ATRX: variants seen among roughly 807,000 people sequenced by gnomAD.
ATRX encodes the protein ATRX chromatin remodeler, also known as chromatin remodeler ATRX.
A neutral mutation model predicts 172.6 loss-of-function variants in ATRX; 12 were observed. The ratio of observed to expected loss-of-function variants is 0.07; its 90% CI spans 0.04 to 0.11. The LOEUF (loss-of-function observed/expected upper bound fraction) is 0.11. Ranked by LOEUF, ATRX falls within the 10% of genes least tolerant of loss-of-function variation. The probability of loss-of-function intolerance (pLI) is 1.00; values close to 1 mark genes in which losing one functional copy is unlikely to be tolerated. For missense variants in ATRX, 1,368 were observed against 1,767.4 expected (o/e 0.77, Z 4.05); for synonymous variants, 674 against 594.7 (o/e 1.13, Z -1.94).
chrX:77,519,557 A>G (rs782532845), intron 34 of ATRX, among the ~76,000 whole-genome samples: 27 of 111,203 alleles, frequency 2.4e-4, no homozygotes, highest in African/African-American at 8.5e-4. Context: ...AAATATAGTG[A>G]GACCCCGTCT....
intron 13 of ATRX, 110 bp downstream of exon 13, chrX:77,656,450 T>C (rs1465400281): frequency 1.7e-6 from 1 of 571,824 alleles, no homozygotes; most frequent in African/African-American, 2.3e-5. Flanking sequence ...AATCAAAATA[T>C]TATATATCAC....
rs374034587 is a variant in ATRX, at chrX:77,655,700, TA to T, written c.4214+859del. The stretch of plus-strand genomic sequence containing the variant: ...TAACATGCTGAATTGTATCTTGGTT[TA>T]AAAAAAAAAAAAACCTCTCATCATA... On this transcript the variant is annotated intron_variant, in intron 13 of 34. Coordinates refer to ENST00000373344, the MANE Select transcript of ATRX (RefSeq NM_000489.6). Among the ~76,000 whole-genome samples the T allele has an allele frequency of 3.4e-3, 340 of 99,938 alleles. 1 individual carries two copies. The highest frequency in any genetic ancestry group is 0.015 in the Middle Eastern group (3 of 195). 86.8% of individuals were successfully genotyped at this position (99,938 alleles called of 115,157 possible). A position where few individuals can be genotyped will look rare whatever the true frequency, so the allele number is the denominator to read the frequency against.
At chrX:77,731,745 A>G (rs1225740122) in intron 1 of ATRX, among the ~76,000 whole-genome samples, 2 of 110,972 alleles carry the variant, frequency 1.8e-5, no homozygotes, top group African/African-American at 6.5e-5. Context: ...TTGGGAAAGG[A>G]GACAGCATGA....
At position 77,786,072 on chromosome X, in the gene ATRX, A is replaced by G. The variant is rs781792933; in HGVS notation, c.-71T>C. The G allele has an allele frequency of 1.8e-4, 201 of 1,116,184 alleles. No homozygotes were observed. Among genetic ancestry groups the G allele is most frequent in the Non-Finnish European group, 2.3e-4 (194 of 829,913 alleles). The allele number at this position is 1,116,184 out of a possible 1,213,427, so 92.0% of individuals were successfully genotyped here. A position where few individuals can be genotyped will look rare whatever the true frequency, so the allele number is the denominator to read the frequency against. ...GATCTGCGCTCCCCCGCGCCCGGTT[A>G]CGATAGAAATGCACTGGAGTCTTAG... On this transcript the variant is annotated 5_prime_UTR_variant, in exon 1 of 35. Coordinates refer to ENST00000373344, the MANE Select transcript of ATRX (RefSeq NM_000489.6).
At chrX:77,598,866 C>T (rs1557085353) in intron 25 of ATRX, among the ~76,000 whole-genome samples, 1 of 111,360 alleles carries the variant, frequency 9.0e-6, no homozygotes, top group Non-Finnish European at 1.9e-5. Context: ...ACACAGGAAA[C>T]CTAAAGTAGA....
rs369151432 is a variant in ATRX at position 77,751,591 on chromosome X, A to G, written c.21-34348T>C. On this transcript the variant is annotated intron_variant, in intron 1 of 34. Coordinates refer to ENST00000373344, the MANE Select transcript of ATRX (RefSeq NM_000489.6). ...GTTTTAGTCATGGAAGTCTTTGCCCATGCCTATGTCCTGAACGGTATTGCC... is the reference window on the plus strand; with the variant it reads ...GTTTTAGTCATGGAAGTCTTTGCCCGTGCCTATGTCCTGAACGGTATTGCC... Among the ~76,000 whole-genome samples, 25 of 112,207 alleles carry G rather than the reference A, an allele frequency of 2.2e-4. No individual in the cohort carries two copies. In the East Asian group the frequency reaches 2.2e-3, roughly 10 times the overall value.
At chrX:77,738,809 C>A (rs958533824) in intron 1 of ATRX, among the ~76,000 whole-genome samples, 1 of 109,482 alleles carries the variant, frequency 9.1e-6, no homozygotes, top group Non-Finnish European at 1.9e-5. Flanking sequence ...GTGGTCTGCC[C>A]GCCTCAGCTT....
intron 1 of ATRX, among the ~76,000 whole-genome samples, chrX:77,766,437 A>G (rs1361639635): frequency 5.7e-5 from 6 of 104,532 alleles, no homozygotes; most frequent in East Asian, 3.2e-4. Flanking sequence ...GGCGGCTGCC[A>G]GGCGGAGGGG....
chrX:77,766,745 C>A (rs1316650560), intron 1 of ATRX, among the ~76,000 whole-genome samples: 2 of 105,447 alleles, frequency 1.9e-5, no homozygotes, highest in Non-Finnish European at 3.9e-5. Flanking sequence ...GACTGGGCAG[C>A]CAGGCAGAGG....
At position 77,682,396 on chromosome X, in the gene ATRX, A is replaced by G; in HGVS notation, c.2860T>C (p.Cys954Arg). The G allele has an allele frequency of 3.3e-6, 4 of 1,210,875 alleles. No individual in the cohort carries two copies. The highest frequency in any genetic ancestry group is 4.5e-6 in the Non-Finnish European group (4 of 895,238). Residue 954 changes from cysteine (C) to arginine (R), a missense_variant, in exon 9 of 35, where the codon TGT becomes CGT. This residue lies in a region of ATRX where 843 missense variants were observed against 643.1 expected (regional missense o/e 1.31). Transcript: ENST00000373344. The part of the protein sequence containing the change: ...EKSKHLKTKT[C>R]KKVQDGLSDI... ...GATAAGCCATCCTGTACTTTTTTAC[A>G]TGTTTTGGTTTTGAGATGCTTGCTC...
At chrX:77,604,762 T>C (rs1426728558) in intron 22 of ATRX, among the ~76,000 whole-genome samples, 6 of 112,398 alleles carry the variant, frequency 5.3e-5, no homozygotes, top group Non-Finnish European at 3.8e-5. Context: ...TAAGTGTCTA[T>C]CAAAAGATGA....
At chrX:77,646,823 G>A (rs902527489) in intron 15 of ATRX, among the ~76,000 whole-genome samples, 6 of 108,781 alleles carry the variant, frequency 5.5e-5, no homozygotes, top group African/African-American at 1.3e-4. Context: ...CTCAAGGGGC[G>A]GAGGCAGGAG....
chrX:77,753,470 T>C (rs1177584252), intron 1 of ATRX, among the ~76,000 whole-genome samples: 2 of 111,649 alleles, frequency 1.8e-5, no homozygotes, highest in Non-Finnish European at 3.8e-5. Flanking sequence ...CCTTCAGTTC[T>C]GCTCTGAACT....
At chrX:77,593,412 T>C (rs969307917) in intron 26 of ATRX, among the ~76,000 whole-genome samples, 2 of 110,792 alleles carry the variant, frequency 1.8e-5, no homozygotes, top group Non-Finnish European at 3.8e-5. Context: ...ATTTTGAAGA[T>C]GGAGAAACAC....
At chrX:77,524,731 T>C (rs1384689817) in intron 30 of ATRX, among the ~76,000 whole-genome samples, 1 of 109,450 alleles carries the variant, frequency 9.1e-6, no homozygotes, top group Non-Finnish European at 1.9e-5. Context: ...ACAACCATAA[T>C]AGAGACTTTA....
At chrX:77,516,334 T>TAAGA in intron 34 of ATRX, among the ~76,000 whole-genome samples, 1 of 111,511 alleles carries the variant, frequency 9.0e-6, no homozygotes, top group Non-Finnish European at 1.9e-5. Flanking sequence ...CTGTTTCCTG[T>TAAGA]AAGAAATACA....
At chrX:77,574,476 T>C in intron 27 of ATRX, 118 bp from the exon 28 acceptor site, 1 of 517,202 alleles carries the variant, frequency 1.9e-6, no homozygotes, top group Non-Finnish European at 3.4e-6. Flanking sequence ...TCTATTTGTA[T>C]AGCAAAATAC....
chrX:77,748,475 T>C (rs1170103990), intron 1 of ATRX, among the ~76,000 whole-genome samples: 1 of 112,589 alleles, frequency 8.9e-6, no homozygotes, highest in Non-Finnish European at 1.9e-5. Flanking sequence ...TTTAAAAATA[T>C]CTTTTATACC....
chrX:77,537,719 T>C (rs2063802827), intron 30 of ATRX, among the ~76,000 whole-genome samples: 1 of 110,726 alleles, frequency 9.0e-6, no homozygotes, highest in Admixed American at 9.7e-5. Flanking sequence ...CCTAACCAAG[T>C]TTTTCTAATA....
Sources: allele counts gnomAD v4.1 joint callset (sites outside exome capture counted in the v4.1 genomes callset), GRCh38; gene constraint gnomAD v4.1.1; regional missense constraint gnomAD v4.1.1; transcripts MANE v1.5; gene names NCBI Gene and HGNC (gene_info 2026-07-23, HGNC 2026-07-21).